INPP4A: variants seen among roughly 807,000 people sequenced by gnomAD.
INPP4A encodes the protein inositol polyphosphate-4-phosphatase, type I, 107kD.
A neutral mutation model predicts 119.8 loss-of-function variants in INPP4A; 33 were observed. That is an observed-to-expected ratio of 0.28 (90% CI 0.21 to 0.37). The LOEUF (loss-of-function observed/expected upper bound fraction) is 0.37, where lower values mean the gene tolerates loss of function less well. INPP4A is among the 10% of genes least tolerant of loss of function. The probability of loss-of-function intolerance (pLI) is 1.00; values close to 1 mark genes in which losing one functional copy is unlikely to be tolerated. For missense variants in INPP4A, 956 were observed against 1,289.9 expected, an observed-to-expected ratio of 0.74 and a Z score of 3.97; for synonymous variants, 496 against 500.7, an observed-to-expected ratio of 0.99 and a Z score of 0.12.
At position 98,536,172 on chromosome 2, in the gene INPP4A, T is replaced by C. The variant is rs150743718; in HGVS notation, c.431T>C (p.Leu144Pro). The C allele has an allele frequency of 6.2e-7, 1 of 1,612,042 alleles. No individual in the cohort carries two copies. Among genetic ancestry groups the C allele is most frequent in the African/African-American group, 1.3e-5 (1 of 75,018 alleles). The change falls in exon 7 of 25, where the codon CTC becomes CCC. Residue 144 changes from leucine (L) to proline (P), a missense_variant. Coordinates refer to ENST00000409851, the MANE Select transcript of INPP4A (RefSeq NM_001134225.2). The part of the protein sequence containing the change: ...GSGTFIVKDL[L>P]QDRHHRLHLT... ...GGAACGTTCATTGTCAAAGATCTGCTCCAGGACAGGCATCATAGGTTGCAT... is the reference window on the plus strand; with the variant it reads ...GGAACGTTCATTGTCAAAGATCTGCCCCAGGACAGGCATCATAGGTTGCAT...
In INPP4A at chr2:98,554,174, G is replaced by A; in HGVS notation, c.1348-97G>A. The A allele has an allele frequency of 1.1e-6, 1 of 890,912 alleles. No individual in the cohort carries two copies. The highest frequency in any genetic ancestry group is 1.7e-6 in the Non-Finnish European group (1 of 578,010). 55.2% of individuals were successfully genotyped at this position (890,912 alleles called of 1,614,324 possible). On this transcript the variant is annotated intron_variant, in intron 14 of 24. Transcript: ENST00000409851. This position sits in a 1 kb window ranked among gnomAD's most constrained non-coding sequence, Gnocchi z 4.7. Reference sequence around the variant, plus strand: ...GTGGAGAAAGGCAGAGGGGTGCAGTGCTGGGCTTTAAGCCCATTCTCCATT... The same window carrying A: ...GTGGAGAAAGGCAGAGGGGTGCAGTACTGGGCTTTAAGCCCATTCTCCATT...
chr2:98,551,145 G>A (rs887816051), intron 13 of INPP4A, among the ~76,000 whole-genome samples: 3 of 152,088 alleles, frequency 2.0e-5, no homozygotes, highest in African/African-American at 7.2e-5. Context: ...TTTAAAAGGT[G>A]GGGTCTCACG....
Position 98,590,057 on chromosome 2 carries a change from G to T in INPP4A, c.*2449G>T, listed in dbSNP as rs1700285818. The T allele has an allele frequency of 5.2e-6, 1 of 190,912 alleles. No individual in the cohort carries two copies. The highest frequency in any genetic ancestry group is 2.3e-5 in the African/African-American group (1 of 42,898). The allele number at this position is 190,912 out of a possible 1,614,324, so 11.8% of individuals were successfully genotyped here. A position where few individuals can be genotyped will look rare whatever the true frequency, so the allele number is the denominator to read the frequency against. ...ATTACTATATATATATAAACATACA[G>T]TTACTGTTTTATATATTCTTAGGTC... On this transcript the variant is annotated 3_prime_UTR_variant, in exon 25 of 25. Transcript: ENST00000409851.
At chr2:98,472,473 G>A (rs919348797) in intron 1 of INPP4A, among the ~76,000 whole-genome samples, 4 of 152,262 alleles carry the variant, frequency 2.6e-5, no homozygotes, top group African/African-American at 9.6e-5. Flanking sequence ...GGACAGATGA[G>A]CTCTGTGGCA....
At chr2:98,494,530 A>G (rs534171427) in intron 1 of INPP4A, among the ~76,000 whole-genome samples, 2 of 152,062 alleles carry the variant, frequency 1.3e-5, no homozygotes, top group African/African-American at 4.8e-5. Context: ...CAAGTAGGAG[A>G]GGTAGGCTAT....
intron 1 of INPP4A, among the ~76,000 whole-genome samples, chr2:98,480,901 G>A (rs1371530245): frequency 1.3e-5 from 2 of 152,168 alleles, no homozygotes; most frequent in Non-Finnish European, 2.9e-5. Flanking sequence ...GCAGGGTGCC[G>A]CACACTCTGG....
intron 1 of INPP4A, among the ~76,000 whole-genome samples, chr2:98,483,713 C>G (rs1678963028): frequency 6.6e-6 from 1 of 152,170 alleles, no homozygotes; most frequent in Non-Finnish European, 1.5e-5. Flanking sequence ...TGGACCAGCT[C>G]TCAGTCCTTT....
At chr2:98,453,780 G>A (rs36057646) in intron 1 of INPP4A, among the ~76,000 whole-genome samples, 7 of 152,184 alleles carry the variant, frequency 4.6e-5, no homozygotes, top group South Asian at 2.1e-4. Context: ...CTGCTCTGGC[G>A]TATTGTTCGT....
At chr2:98,562,076 C>T (rs995070633) in intron 17 of INPP4A, among the ~76,000 whole-genome samples, 8 of 152,178 alleles carry the variant, frequency 5.3e-5, no homozygotes, top group African/African-American at 1.4e-4. Flanking sequence ...CAGCAGTGGC[C>T]GGGGCCGGGC....
At chr2:98,479,432 A>ACATACAC (rs1354187146) in intron 1 of INPP4A, among the ~76,000 whole-genome samples, 1 of 152,176 alleles carries the variant, frequency 6.6e-6, no homozygotes, top group Non-Finnish European at 1.5e-5. Flanking sequence ...AGCAATAAAT[A>ACATACAC]CATAGTCAGT....
chr2:98,506,533 G>C (rs779281967), intron 1 of INPP4A, among the ~76,000 whole-genome samples: 16 of 152,344 alleles, frequency 1.1e-4, no homozygotes, highest in Non-Finnish European at 1.8e-4. Flanking sequence ...TTTACCTACA[G>C]AGACCTCTAG....
At chr2:98,492,395 A>G (rs186015159) in intron 1 of INPP4A, among the ~76,000 whole-genome samples, 10 of 152,320 alleles carry the variant, frequency 6.6e-5, no homozygotes, top group Admixed American at 5.9e-4. Context: ...CCCAAGTTGT[A>G]TCTCACTGGC....
intron 1 of INPP4A, among the ~76,000 whole-genome samples, chr2:98,448,742 C>T (rs1043925569): frequency 6.8e-6 from 1 of 146,426 alleles, no homozygotes; most frequent in Non-Finnish European, 1.5e-5. Flanking sequence ...GAGACAAGGT[C>T]TCCCTTCGTT....
chr2:98,446,431 G>C (rs1465414889), intron 1 of INPP4A, among the ~76,000 whole-genome samples: 1 of 152,106 alleles, frequency 6.6e-6, no homozygotes, highest in East Asian at 1.9e-4. Flanking sequence ...TGGTTGGTCT[G>C]TTGCAGGAGT....
chr2:98,565,096 C>T lies in INPP4A; in HGVS notation c.2152+333C>T, dbSNP rs144966631. ...TACTGAATGACTGGAAGGAGAGTTG[C>T]TGGGTCAGAGGGTAGGAATATTTTT... On this transcript the variant is annotated intron_variant, in intron 19 of 24. Transcript: ENST00000409851. Among the ~76,000 whole-genome samples, 203 of 152,368 alleles carry T rather than the reference C, an allele frequency of 1.3e-3. 1 individual carries two copies. The highest frequency in any genetic ancestry group is 2.5e-3 in the Non-Finnish European group (168 of 68,038).
chr2:98,541,085 T>G (rs1015338263), intron 10 of INPP4A, among the ~76,000 whole-genome samples: 4 of 152,184 alleles, frequency 2.6e-5, no homozygotes, highest in Non-Finnish European at 4.4e-5. Context: ...CCCAGCACTT[T>G]GGGAGGCTGA....
intron 1 of INPP4A, among the ~76,000 whole-genome samples, chr2:98,456,563 T>A (rs1696170819): frequency 6.6e-6 from 1 of 152,084 alleles, no homozygotes; most frequent in Non-Finnish European, 1.5e-5. Context: ...GGTCTTGAAC[T>A]CCGGGCATCA....
intron 1 of INPP4A, among the ~76,000 whole-genome samples, chr2:98,461,344 T>C (rs2104641063): frequency 6.6e-6 from 1 of 152,330 alleles, no homozygotes; most frequent in East Asian, 1.9e-4. Flanking sequence ...GGGATGCTCA[T>C]TGCCAAGGCC....
chr2:98,557,333 G>T (rs1314756923), intron 16 of INPP4A, among the ~76,000 whole-genome samples: 1 of 152,240 alleles, frequency 6.6e-6, no homozygotes, highest in East Asian at 1.9e-4. Context: ...TCAAATGTAT[G>T]AAACCATATG....
Sources: allele counts gnomAD v4.1 joint callset (sites outside exome capture counted in the v4.1 genomes callset), GRCh38; gene constraint gnomAD v4.1.1; non-coding constraint Gnocchi (gnomAD v3.1); transcripts MANE v1.5; gene names NCBI Gene and HGNC (gene_info 2026-07-23, HGNC 2026-07-21).